The following IMMP2L variants were observed in gnomAD, a reference collection of about 807,000 sequenced individuals.
IMMP2L encodes the protein mitochondrial inner membrane protease subunit 2.
In IMMP2L, 18 loss-of-function variants were observed where a neutral mutation model predicts 19.3. The ratio of observed to expected loss-of-function variants is 0.93; its 90% CI spans 0.64 to 1.38. The LOEUF is 1.38. IMMP2L is among the 40% of genes most tolerant of loss of function. The probability of loss-of-function intolerance (pLI) is 0.00; values close to 1 mark genes in which losing one functional copy is unlikely to be tolerated. For synonymous variants in IMMP2L, 76 were observed against 73.0 expected (o/e 1.04, Z -0.21); for missense variants, 233 against 218.2 (o/e 1.07, Z -0.43).
chr7:111,146,468 C>A (rs910763870), intron 3 of IMMP2L, among the ~76,000 whole-genome samples: 5 of 151,886 alleles, frequency 3.3e-5, no homozygotes, highest in Admixed American at 1.3e-4. Flanking sequence ...CCACTAGAAC[C>A]CAAATGACAG....
intron 3 of IMMP2L, among the ~76,000 whole-genome samples, chr7:111,181,106 T>G (rs1807658993): frequency 6.6e-6 from 1 of 152,040 alleles, no homozygotes. Flanking sequence ...GGAGTCTACA[T>G]TACCTGATGT....
chr7:111,175,925 GA>G (rs1002823365), intron 3 of IMMP2L, among the ~76,000 whole-genome samples: 2 of 151,650 alleles, frequency 1.3e-5, no homozygotes, highest in East Asian at 3.9e-4. Flanking sequence ...TCAAAAATAG[GA>G]AAAAATCCAA....
At chr7:111,120,643 C>T (rs995137468) in intron 3 of IMMP2L, among the ~76,000 whole-genome samples, 2 of 152,124 alleles carry the variant, frequency 1.3e-5, no homozygotes, top group Non-Finnish European at 2.9e-5. Context: ...AAATGTTAAT[C>T]TTGTGAACTT....
chr7:111,150,545 G>A (rs1669267294), intron 3 of IMMP2L, among the ~76,000 whole-genome samples: 1 of 152,192 alleles, frequency 6.6e-6, no homozygotes, highest in Non-Finnish European at 1.5e-5. Context: ...CTGCCACTGA[G>A]CTGGCTTCAC....
chr7:111,225,767 T>C (rs1327796236), intron 3 of IMMP2L, among the ~76,000 whole-genome samples: 1 of 151,028 alleles, frequency 6.6e-6, no homozygotes, highest in African/African-American at 2.4e-5. Flanking sequence ...TTCCATCACA[T>C]GGTTCCTTAA....
At chr7:111,526,122 T>C (rs1846825751) in intron 1 of IMMP2L, among the ~76,000 whole-genome samples, 1 of 152,168 alleles carries the variant, frequency 6.6e-6, no homozygotes. Flanking sequence ...ATAGAGTATA[T>C]ACAGAATTTA....
chr7:111,305,290 G>T (rs1822739863), intron 3 of IMMP2L, among the ~76,000 whole-genome samples: 1 of 152,130 alleles, frequency 6.6e-6, no homozygotes, highest in Non-Finnish European at 1.5e-5. Context: ...AGTGGGATCA[G>T]CTGGCTTCAG....
At chr7:111,226,003 T>G (rs1813050647) in intron 3 of IMMP2L, among the ~76,000 whole-genome samples, 1 of 152,128 alleles carries the variant, frequency 6.6e-6, no homozygotes, top group Admixed American at 6.6e-5. Context: ...TCATTTAATT[T>G]GGGTTTGAAC....
At chr7:110,936,917 A>G (rs374557229) in intron 4 of IMMP2L, among the ~76,000 whole-genome samples, 1 of 152,174 alleles carries the variant, frequency 6.6e-6, no homozygotes, top group East Asian at 1.9e-4. Context: ...ATGAAGCTGG[A>G]TACCATCATT....
At chr7:110,969,523 T>C (rs1819917541) in intron 3 of IMMP2L, among the ~76,000 whole-genome samples, 1 of 151,926 alleles carries the variant, frequency 6.6e-6, no homozygotes, top group Non-Finnish European at 1.5e-5. Flanking sequence ...ACCAAGAGCC[T>C]CATTACTGGC....
intron 3 of IMMP2L, among the ~76,000 whole-genome samples, chr7:111,071,528 T>C (rs1224337906): frequency 6.6e-6 from 1 of 152,182 alleles, no homozygotes; most frequent in Non-Finnish European, 1.5e-5. Context: ...CAAAATGTTA[T>C]ATATACATAA....
At chr7:111,396,175 A>G (rs987331543) in intron 3 of IMMP2L, among the ~76,000 whole-genome samples, 1 of 152,168 alleles carries the variant, frequency 6.6e-6, no homozygotes, top group Non-Finnish European at 1.5e-5. Context: ...ATAAAGACAC[A>G]TGGATATGTA....
chr7:110,824,098 T>C (rs955521793), intron 5 of IMMP2L, among the ~76,000 whole-genome samples: 1 of 152,120 alleles, frequency 6.6e-6, no homozygotes, highest in Non-Finnish European at 1.5e-5. Context: ...ACATTCTCTA[T>C]AGGCCAGGAG....
chr7:111,209,037 T>A (rs886392122), intron 3 of IMMP2L, among the ~76,000 whole-genome samples: 11 of 152,198 alleles, frequency 7.2e-5, no homozygotes, highest in Admixed American at 3.9e-4. Context: ...GAATCTGTGA[T>A]GACAACTTAG....
intron 4 of IMMP2L, among the ~76,000 whole-genome samples, chr7:110,899,198 T>C (rs1027994315): frequency 5.9e-5 from 9 of 152,186 alleles, no homozygotes; most frequent in Non-Finnish European, 1.3e-4. Context: ...GTTTTAATTA[T>C]CTACTAATAA....
At chr7:111,327,957 T>A (rs1295048756) in intron 3 of IMMP2L, among the ~76,000 whole-genome samples, 1 of 151,736 alleles carries the variant, frequency 6.6e-6, no homozygotes, top group Non-Finnish European at 1.5e-5. Flanking sequence ...AGTAGATATA[T>A]AATATATAAG....
At chr7:110,730,820 C>T (rs1475176408) in intron 5 of IMMP2L, among the ~76,000 whole-genome samples, 2 of 152,156 alleles carry the variant, frequency 1.3e-5, no homozygotes, top group African/African-American at 4.8e-5. Flanking sequence ...CCGCCGCGCC[C>T]GGCCGGGACT....
chr7:111,483,254 T>A (rs1842346208), intron 3 of IMMP2L, among the ~76,000 whole-genome samples: 1 of 152,128 alleles, frequency 6.6e-6, no homozygotes, highest in African/African-American at 2.4e-5. Context: ...ATTTAGGACT[T>A]TATTATGAAA....
intron 3 of IMMP2L, among the ~76,000 whole-genome samples, chr7:111,285,092 C>T (rs968486354): frequency 6.6e-6 from 1 of 151,902 alleles, no homozygotes; most frequent in Non-Finnish European, 1.5e-5. Flanking sequence ...GAGTTTGCAC[C>T]GACAGCATCA....
Sources: allele counts gnomAD v4.1 joint callset (sites outside exome capture counted in the v4.1 genomes callset), GRCh38; gene constraint gnomAD v4.1.1; transcripts MANE v1.5; gene names NCBI Gene and HGNC (gene_info 2026-07-23, HGNC 2026-07-21).